Variants in LRRIQ1 observed in about 807,000 individuals in gnomAD.
LRRIQ1 encodes leucine-rich repeat- and IQ domain-containing protein 1.
In LRRIQ1, 210 loss-of-function variants were observed where a neutral mutation model predicts 211.9. The ratio of observed to expected loss-of-function variants is 0.99; its 90% CI spans 0.89 to 1.11. LRRIQ1 has a LOEUF of 1.11. Among genes scored for constraint, LRRIQ1 ranks in the 50% most tolerant of loss-of-function variants. The pLI is 0.00. For synonymous variants in LRRIQ1, 699 were observed against 650.1 expected (o/e 1.08, Z -1.14); for missense variants, 2,136 against 1,939.5 (o/e 1.10, Z -1.90).
rs780814716 is a variant in LRRIQ1, at chr12:85,098,381, C to T, written c.2914C>T (p.Gln972Ter). 1.2e-6 allele frequency: 2 copies of T among 1,607,890 alleles called. No individual in the cohort carries two copies. The highest frequency in any genetic ancestry group is 2.2e-5 in the South Asian group (2 of 90,460). ...NCGLESLKNL[Q>*]QLILDHNQLI... ...TGGTTTAGAATCTTTGAAAAATCTTCAACAACTAATTTTGGACCACAATCA... is the reference window on the plus strand; with the variant it reads ...TGGTTTAGAATCTTTGAAAAATCTTTAACAACTAATTTTGGACCACAATCA... Residue 972 changes from glutamine (Q) to a stop codon, truncating the protein, a stop_gained, in exon 12 of 27, where the codon CAA (glutamine) becomes TAA (stop). Coordinates refer to ENST00000393217, the MANE Select transcript of LRRIQ1 (RefSeq NM_001079910.2). LOFTEE classifies it high-confidence loss of function.
chr12:85,072,077 A>G (rs903606403), intron 10 of LRRIQ1, among the ~76,000 whole-genome samples: 22 of 151,842 alleles, frequency 1.4e-4, no homozygotes, highest in African/African-American at 5.1e-4. Flanking sequence ...TTATTTTTAA[A>G]TTTTTTCAAT....
At chr12:85,052,074 C>G (rs1325800833) in intron 6 of LRRIQ1, 103 bp from the exon 7 acceptor site, 2 of 660,822 alleles carry the variant, frequency 3.0e-6, no homozygotes, top group Non-Finnish European at 4.8e-6. Context: ...GGGTTGTCAG[C>G]TTTAACTATT....
At chr12:85,111,994 G>T (rs1887212021) in intron 15 of LRRIQ1, among the ~76,000 whole-genome samples, 2 of 150,784 alleles carry the variant, frequency 1.3e-5, no homozygotes, top group South Asian at 4.2e-4. Context: ...CTTTCATTTT[G>T]TTAATAAATA....
intron 8 of LRRIQ1, 102 bp from the exon 9 acceptor site, chr12:85,065,160 T>A: frequency 1.0e-6 from 1 of 1,000,568 alleles, no homozygotes; most frequent in Non-Finnish European, 1.4e-6. Flanking sequence ...ATAGTATTAC[T>A]TTTCTTAAAT....
intron 1 of LRRIQ1, among the ~76,000 whole-genome samples, chr12:85,036,681 TTTCC>T (rs1206148268): frequency 6.6e-6 from 1 of 152,008 alleles, no homozygotes; most frequent in Non-Finnish European, 1.5e-5. Flanking sequence ...TTGACGTTAT[TTTCC>T]TTCCTTCCTT....
At chr12:85,188,406 T>C (rs1892333676) in intron 24 of LRRIQ1, among the ~76,000 whole-genome samples, 1 of 152,136 alleles carries the variant, frequency 6.6e-6, no homozygotes, top group Admixed American at 6.6e-5. Flanking sequence ...GCATAATAAA[T>C]GGCACAACTG....
intron 24 of LRRIQ1, among the ~76,000 whole-genome samples, chr12:85,216,960 A>T (rs1330407780): frequency 6.6e-6 from 1 of 152,064 alleles, no homozygotes; most frequent in Non-Finnish European, 1.5e-5. Context: ...ATTGTTGCTT[A>T]TGGAAAACAA....
At chr12:85,237,654 C>A (rs1895255004) in intron 26 of LRRIQ1, among the ~76,000 whole-genome samples, 1 of 151,986 alleles carries the variant, frequency 6.6e-6, no homozygotes, top group Non-Finnish European at 1.5e-5. Context: ...TTAGTTAAGA[C>A]CATGTAAAGT....
In LRRIQ1 at chr12:85,181,057, C is replaced by T. The variant is rs1382193801; in HGVS notation, c.4822+20343C>T. 2.0e-5 allele frequency among the ~76,000 whole-genome samples: 3 copies of T among 151,938 alleles called. No individual in the cohort carries two copies. The East Asian group carries it at 5.8e-4, about 29-fold the overall frequency. On this transcript the variant is annotated intron_variant, in intron 24 of 26. Coordinates refer to ENST00000393217, the MANE Select transcript of LRRIQ1 (RefSeq NM_001079910.2). ...CCACATGTCTCAAGGTGATGTCAATCAATCAATCAGTCACACTTCTGGCAT... is the reference window on the plus strand; with the variant it reads ...CCACATGTCTCAAGGTGATGTCAATTAATCAATCAGTCACACTTCTGGCAT...
intron 8 of LRRIQ1, among the ~76,000 whole-genome samples, chr12:85,062,065 C>T (rs751680544): frequency 1.3e-5 from 2 of 151,712 alleles, no homozygotes; most frequent in Non-Finnish European, 2.9e-5. Context: ...ATGTTCCGTA[C>T]AAAGAGGAGT....
intron 24 of LRRIQ1, among the ~76,000 whole-genome samples, chr12:85,204,035 G>A (rs937061444): frequency 6.6e-6 from 1 of 152,122 alleles, no homozygotes; most frequent in African/African-American, 2.4e-5. Context: ...TGTGGGCTGG[G>A]CCCAAGGTCC....
In LRRIQ1 at chr12:85,124,471, C is replaced by T; in HGVS notation, c.3959C>T (p.Thr1320Ile). The change falls in exon 17 of 27, where the codon ACA (threonine) becomes ATA (isoleucine). Residue 1320 changes from threonine (T) to isoleucine (I), a missense_variant. Transcript: ENST00000393217. ...IRIPFKEVVM[T>I]NSLLRNHQNI... ...ATCCCATTTAAGGAAGTAGTAATGA[C>T]AAATTCTTTGCTGAGGAATCACCAA... 1 of 1,613,518 alleles carries T rather than the reference C, an allele frequency of 6.2e-7. No individual in the cohort carries two copies. Among genetic ancestry groups the T allele is most frequent in the Non-Finnish European group, 8.5e-7 (1 of 1,180,002 alleles).
chr12:85,216,083 A>T (rs1894064394), intron 24 of LRRIQ1, among the ~76,000 whole-genome samples: 1 of 152,202 alleles, frequency 6.6e-6, no homozygotes, highest in Non-Finnish European at 1.5e-5. Flanking sequence ...CAGGTTCGTT[A>T]CATAAATATA....
chr12:85,245,265 C>G (rs2137279117), downstream of LRRIQ1, among the ~76,000 whole-genome samples: 1 of 151,186 alleles, frequency 6.6e-6, no homozygotes, highest in Non-Finnish European at 1.5e-5. Context: ...GTGTCTTGGC[C>G]TTTTACCATT....
At chr12:85,142,056 C>G (rs1461868997) in intron 19 of LRRIQ1, among the ~76,000 whole-genome samples, 1 of 151,188 alleles carries the variant, frequency 6.6e-6, no homozygotes, top group Non-Finnish European at 1.5e-5. Context: ...GAATATTTAT[C>G]TAAATATTTA....
At chr12:85,244,131 T>C (rs1404730691) in intron 26 of LRRIQ1, among the ~76,000 whole-genome samples, 1 of 151,572 alleles carries the variant, frequency 6.6e-6, no homozygotes, top group Non-Finnish European at 1.5e-5. Flanking sequence ...TAAGAAGCAA[T>C]TATTTTTGGC....
At chr12:85,214,953 C>T (rs1231766352) in intron 24 of LRRIQ1, among the ~76,000 whole-genome samples, 7 of 152,070 alleles carry the variant, frequency 4.6e-5, no homozygotes, top group Admixed American at 4.6e-4. Context: ...AAGGCACTCA[C>T]ATCCAGTATA....
intron 24 of LRRIQ1, among the ~76,000 whole-genome samples, chr12:85,218,610 G>A (rs1410119423): frequency 6.6e-6 from 1 of 152,012 alleles, no homozygotes; most frequent in Non-Finnish European, 1.5e-5. Flanking sequence ...GATGGATAAG[G>A]TACAGACCCT....
chr12:85,263,634 T>A (rs906933706), exon 2 of LRRIQ1: 2 of 152,058 alleles, frequency 1.3e-5, no homozygotes, highest in East Asian at 3.9e-4. Context: ...ATTTAAGTAA[T>A]TACCAATTGG....
Sources: gnomAD v4.1 joint callset for allele counts (sites outside exome capture counted in the v4.1 genomes callset) on GRCh38, gnomAD v4.1.1 for gene constraint, MANE v1.5 for transcripts, NCBI Gene and HGNC (gene_info 2026-07-23, HGNC 2026-07-21) for gene names.